GPC5: variants seen among roughly 807,000 people sequenced by gnomAD.
GPC5 encodes glypican 5.
Under a neutral mutation model 53.9 loss-of-function variants are expected in GPC5, and 47 were observed. That is an observed-to-expected ratio of 0.87 (90% CI 0.69 to 1.11). GPC5 has a LOEUF of 1.11. Among genes scored for constraint, GPC5 ranks in the 50% most tolerant of loss-of-function variants. GPC5 has a pLI of 0.00. For missense variants in GPC5, 748 were observed against 713.1 expected (o/e 1.05, Z -0.56); for synonymous variants, 286 against 263.3 (o/e 1.09, Z -0.84).
At chr13:92,431,390 C>CTTTTTTTTTTTTTTTTTT (rs3064652) in intron 7 of GPC5, among the ~76,000 whole-genome samples, 1 of 137,344 alleles carries the variant, frequency 7.3e-6, no homozygotes, top group Non-Finnish European at 1.5e-5. Context: ...AAAGACACAG[C>CTTTTTTTTTTTTTTTTTT]TTTTTTTTTT....
chr13:92,533,739 A>G (rs1272669312), intron 7 of GPC5, among the ~76,000 whole-genome samples: 1 of 152,164 alleles, frequency 6.6e-6, no homozygotes, highest in Non-Finnish European at 1.5e-5. Flanking sequence ...TGTGAGAGCA[A>G]AAGGACTAGA....
At chr13:92,759,312 G>C (rs1015909717) in intron 7 of GPC5, among the ~76,000 whole-genome samples, 1 of 151,642 alleles carries the variant, frequency 6.6e-6, no homozygotes, top group African/African-American at 2.4e-5. Context: ...CATGGCATTG[G>C]ATCTATATAT....
At chr13:92,286,127 G>A (rs1030843359) in intron 7 of GPC5, among the ~76,000 whole-genome samples, 17 of 152,074 alleles carry the variant, frequency 1.1e-4, no homozygotes, top group Admixed American at 4.6e-4. Context: ...CAACAGACAC[G>A]TGAAAAAATG....
At chr13:91,597,027 C>G (rs976729174) in intron 2 of GPC5, among the ~76,000 whole-genome samples, 1 of 152,190 alleles carries the variant, frequency 6.6e-6, no homozygotes, top group Non-Finnish European at 1.5e-5. Flanking sequence ...ATAAATCTTC[C>G]TGGCTCTGCA....
chr13:92,471,784 G>T (rs1218629785), intron 7 of GPC5, among the ~76,000 whole-genome samples: 2 of 152,080 alleles, frequency 1.3e-5, no homozygotes, highest in Non-Finnish European at 2.9e-5. Flanking sequence ...TTGTGTGAAT[G>T]TCTATGTGTT....
intron 6 of GPC5, among the ~76,000 whole-genome samples, chr13:92,067,314 A>G (rs2041175217): frequency 6.6e-6 from 1 of 152,084 alleles, no homozygotes. Flanking sequence ...GGCAGTGTTA[A>G]TAAGAAAAAT....
chr13:92,482,473 AG>A (rs1879394267), intron 7 of GPC5, among the ~76,000 whole-genome samples: 2 of 152,206 alleles, frequency 1.3e-5, no homozygotes, highest in Admixed American at 6.5e-5. Flanking sequence ...GTTAGGATTA[AG>A]CTCAAAATCC....
intron 5 of GPC5, among the ~76,000 whole-genome samples, chr13:91,788,459 G>C (rs1356476482): frequency 6.6e-6 from 1 of 151,916 alleles, no homozygotes; most frequent in African/African-American, 2.4e-5. Flanking sequence ...TTTTGCATTA[G>C]GAAAAAAATA....
intron 1 of GPC5, 116 bp from the exon 2 acceptor site, chr13:91,448,645 A>C (rs1035574111): frequency 6.9e-6 from 7 of 1,011,416 alleles, no homozygotes; most frequent in Admixed American, 2.7e-5. Context: ...GTACTCTAGC[A>C]AATCCATTCC....
At chr13:92,301,720 T>C (rs1422899834) in intron 7 of GPC5, among the ~76,000 whole-genome samples, 1 of 151,644 alleles carries the variant, frequency 6.6e-6, no homozygotes, top group Admixed American at 6.6e-5. Flanking sequence ...ACCCTGTCTG[T>C]ACTAAAAGAA....
intron 7 of GPC5, among the ~76,000 whole-genome samples, chr13:92,395,022 A>G (rs9589534): frequency 0.22 from 32,706 of 152,088 alleles, 3,822 homozygotes; most frequent in East Asian, 0.5. Context: ...GTTAAAGTAC[A>G]TTTCTTGGAG....
chr13:92,501,865 CA>C (rs1880194986), intron 7 of GPC5, among the ~76,000 whole-genome samples: 1 of 151,936 alleles, frequency 6.6e-6, no homozygotes, highest in African/African-American at 2.4e-5. Context: ...AAATAATGTC[CA>C]GAAATAAACA....
intron 6 of GPC5, among the ~76,000 whole-genome samples, chr13:92,053,458 A>G (rs1292815046): frequency 1.3e-5 from 2 of 152,190 alleles, no homozygotes; most frequent in African/African-American, 4.8e-5. Flanking sequence ...CTTGCATAAA[A>G]CGTTGGAATT....
rs189536199 is a variant in GPC5, at chr13:92,361,772, A to G, written c.1561+216783A>G. Among the ~76,000 whole-genome samples, 21 of 151,728 alleles carry G rather than the reference A, an allele frequency of 1.4e-4. 2 individuals are homozygous for G. Among genetic ancestry groups the G allele is most frequent in the African/African-American group, 4.9e-4 (20 of 41,002 alleles). ...ACAGAAGCCAAATATCTGGCTCAAG[A>G]AAACCTCAACAGATTATACAATTAT... On this transcript the variant is annotated intron_variant, in intron 7 of 7. Transcript: ENST00000377067.
At chr13:92,057,793 AGAC>A (rs2041088173) in intron 6 of GPC5, among the ~76,000 whole-genome samples, 1 of 152,204 alleles carries the variant, frequency 6.6e-6, no homozygotes, top group African/African-American at 2.4e-5. Context: ...ATATGGTTGA[AGAC>A]TTACAGCTCC....
chr13:91,467,420 A>C (rs1489187897), intron 2 of GPC5, among the ~76,000 whole-genome samples: 1 of 152,164 alleles, frequency 6.6e-6, no homozygotes, highest in East Asian at 1.9e-4. Context: ...ATTCCTTGCG[A>C]TTAATTTAAT....
intron 7 of GPC5, among the ~76,000 whole-genome samples, chr13:92,806,066 T>C (rs2138792635): frequency 6.6e-6 from 1 of 152,190 alleles, no homozygotes; most frequent in East Asian, 1.9e-4. Flanking sequence ...TAGAAGGCTG[T>C]TTTGTTTCCA....
At chr13:92,751,694 T>C (rs1449514575) in intron 7 of GPC5, among the ~76,000 whole-genome samples, 1 of 152,018 alleles carries the variant, frequency 6.6e-6, no homozygotes, top group Non-Finnish European at 1.5e-5. Context: ...CATGTATACA[T>C]ATGTAACAAA....
intron 7 of GPC5, among the ~76,000 whole-genome samples, chr13:92,810,857 A>T (rs980338842): frequency 1.3e-5 from 2 of 151,854 alleles, no homozygotes; most frequent in African/African-American, 4.9e-5. Context: ...AGTAGCTGGG[A>T]TTACAGGCGT....
Sources: allele counts gnomAD v4.1 joint callset (sites outside exome capture counted in the v4.1 genomes callset), GRCh38; gene constraint gnomAD v4.1.1; transcripts MANE v1.5; gene names NCBI Gene and HGNC (gene_info 2026-07-23, HGNC 2026-07-21).